Variants in DMRTA1 observed in about 807,000 individuals in gnomAD.
DMRTA1 encodes the protein doublesex- and mab-3-related transcription factor A1.
A neutral mutation model predicts 35.2 loss-of-function variants in DMRTA1; 34 were observed. That is an observed-to-expected ratio of 0.97 (90% CI 0.74 to 1.29). DMRTA1 has a LOEUF of 1.29. DMRTA1 is among the 50% of genes most tolerant of loss of function. The pLI is 0.00. For synonymous variants in DMRTA1, 344 were observed against 276.6 expected, an observed-to-expected ratio of 1.24 and a Z score of -2.42; for missense variants, 824 against 644.6, an observed-to-expected ratio of 1.28 and a Z score of -3.01.
rs1818965162 is a variant in DMRTA1, at chr9:22,453,726, T to C, written c.*1815T>C. The C allele has an allele frequency of 6.6e-6, 1 of 152,078 alleles. No individual in the cohort carries two copies. Among genetic ancestry groups the C allele is most frequent in the Non-Finnish European group, 1.5e-5 (1 of 67,944 alleles). 9.4% of individuals were successfully genotyped at this position (152,078 alleles called of 1,614,324 possible). ...ACAGACACACAGTTTTGCATACAAT[T>C]TCACTGGGTTCTTGAATCTCCTAAA... On this transcript the variant is annotated 3_prime_UTR_variant, in exon 2 of 2. Transcript: ENST00000325870.
At chr9:22,450,427 G>C (rs1039884961) in intron 1 of DMRTA1, among the ~76,000 whole-genome samples, 2 of 152,084 alleles carry the variant, frequency 1.3e-5, no homozygotes, top group Non-Finnish European at 1.5e-5. Context: ...AAATATGCAA[G>C]CTCTAGTATG....
rs1203592585 is a variant in DMRTA1 at position 22,453,251 on chromosome 9, A to G, written c.*1340A>G. 1 of 152,048 alleles carries G rather than the reference A, an allele frequency of 6.6e-6. No individual in the cohort carries two copies. Among genetic ancestry groups the G allele is most frequent in the Non-Finnish European group, 1.5e-5 (1 of 67,942 alleles). The allele number at this position is 152,048 out of a possible 1,614,324, so 9.4% of individuals were successfully genotyped here. On this transcript the variant is annotated 3_prime_UTR_variant, in exon 2 of 2. Transcript: ENST00000325870. Reference sequence around the variant, plus strand: ...ATTTAAGCAGCATGACTCACTAAAGATTTTTTAAATTATATGTATATACGT... The same window carrying G: ...ATTTAAGCAGCATGACTCACTAAAGGTTTTTTAAATTATATGTATATACGT...
chr9:22,452,188 TATC>T lies in DMRTA1; in HGVS notation c.*280_*282del, dbSNP rs1818942451. ...TATTTAATGAATTTTCTCCCTAAAT[TATC>T]ATTTGTAAACATTTTTATTTTAAAA... On this transcript the variant is annotated 3_prime_UTR_variant, in exon 2 of 2. Coordinates refer to ENST00000325870, the MANE Select transcript of DMRTA1 (RefSeq NM_022160.3). 6.9e-6 allele frequency: 2 copies of T among 287,782 alleles called. No homozygotes were observed. The highest frequency in any genetic ancestry group is 1.3e-4 in the East Asian group (2 of 15,202). The allele number at this position is 287,782 out of a possible 1,614,324, so 17.8% of individuals were successfully genotyped here.
intron 1 of DMRTA1, 80 bp from the exon 2 acceptor site, chr9:22,450,984 C>T: frequency 4.4e-6 from 6 of 1,371,082 alleles, no homozygotes; most frequent in South Asian, 2.9e-5. Flanking sequence ...TTATATTATC[C>T]AGCATTATTT....
At position 22,446,987 on chromosome 9, in the gene DMRTA1, G is replaced by T; in HGVS notation, c.-79G>T. The T allele has an allele frequency of 6.5e-7, 1 of 1,530,572 alleles. No individual in the cohort carries two copies. Among genetic ancestry groups the T allele is most frequent in the Non-Finnish European group, 8.8e-7 (1 of 1,135,410 alleles). The allele number at this position is 1,530,572 out of a possible 1,614,324, so 94.8% of individuals were successfully genotyped here. A position where few individuals can be genotyped will look rare whatever the true frequency, so the allele number is the denominator to read the frequency against. On this transcript the variant is annotated 5_prime_UTR_variant, in exon 1 of 2. Coordinates refer to ENST00000325870, the MANE Select transcript of DMRTA1 (RefSeq NM_022160.3). ...TAGGACCACGGCGCGTCCTGCCCCG[G>T]CTTCCCCAGCCTCCCAGCAGGGTTA...
chr9:22,450,866 C>T (rs1321572290), intron 1 of DMRTA1, among the ~76,000 whole-genome samples, 198 bp from the exon 2 acceptor site: 1 of 152,134 alleles, frequency 6.6e-6, no homozygotes, highest in African/African-American at 2.4e-5. Flanking sequence ...TAATAGTATA[C>T]TTTTCACTAT....
rs1314221003 is a variant in DMRTA1 at position 22,453,309 on chromosome 9, G to A, written c.*1398G>A. The A allele has an allele frequency of 1.3e-5, 2 of 152,120 alleles. No homozygotes were observed. The highest frequency in any genetic ancestry group is 4.1e-4 in the South Asian group (2 of 4,824). 9.4% of individuals were successfully genotyped at this position (152,120 alleles called of 1,614,324 possible). A position where few individuals can be genotyped will look rare whatever the true frequency, so the allele number is the denominator to read the frequency against. ...TATGCATCTATATGCACATATATAA[G>A]TCTATGTAGACATACATTAAACCCC... On this transcript the variant is annotated 3_prime_UTR_variant, in exon 2 of 2. Transcript: ENST00000325870.
At chr9:22,450,883 A>T (rs1420054121) in intron 1 of DMRTA1, among the ~76,000 whole-genome samples, 181 bp from the exon 2 acceptor site, 1 of 152,148 alleles carries the variant, frequency 6.6e-6, no homozygotes, top group Non-Finnish European at 1.5e-5. Flanking sequence ...CTATTCCAGC[A>T]CCTGCATTTC....
chr9:22,451,900 G>A lies in DMRTA1; in HGVS notation c.1504G>A (p.Asp502Asn). 1 of 1,613,778 alleles carries A rather than the reference G, an allele frequency of 6.2e-7. No individual in the cohort carries two copies. The highest frequency in any genetic ancestry group is 1.3e-5 in the African/African-American group (1 of 75,004). Residue 502 changes from aspartate to asparagine, a missense_variant, in exon 2 of 2, where the codon GAC becomes AAC. By Grantham distance (23) the Asp-to-Asn change is conservative (BLOSUM62 1). Coordinates refer to ENST00000325870, the MANE Select transcript of DMRTA1 (RefSeq NM_022160.3). Reference sequence around the variant, plus strand: ...CAGACTGTACTTCAGACCAAATCAGGACAATCCGTAATGTATATGCCCATT... The same window carrying A: ...CAGACTGTACTTCAGACCAAATCAGAACAATCCGTAATGTATATGCCCATT... Reference protein sequence around the residue: ...CGRLYFRPNQDNP With the variant: ...CGRLYFRPNQNNP
In DMRTA1 at chr9:22,447,270, T is replaced by G; in HGVS notation, c.205T>G (p.Ser69Ala). The G allele has an allele frequency of 6.6e-7, 1 of 1,505,930 alleles. No individual in the cohort carries two copies. The highest frequency in any genetic ancestry group is 1.5e-5 in the African/African-American group (1 of 68,664). 93.3% of individuals were successfully genotyped at this position (1,505,930 alleles called of 1,614,324 possible). A position where few individuals can be genotyped will look rare whatever the true frequency, so the allele number is the denominator to read the frequency against. ...AAAAAAAAAT[S>A]GSGGCPPAPG... Reference sequence around the variant, plus strand: ...GGCCGCCGCCGCCGCTGCCGCCACCTCGGGAAGCGGAGGCTGCCCGCCGGC... The same window carrying G: ...GGCCGCCGCCGCCGCTGCCGCCACCGCGGGAAGCGGAGGCTGCCCGCCGGC... The change falls in exon 1 of 2, where the codon TCG becomes GCG. Residue 69 changes from serine to alanine, a missense_variant. Transcript: ENST00000325870.
intron 1 of DMRTA1, among the ~76,000 whole-genome samples, chr9:22,448,198 T>C (rs1818869503): frequency 6.6e-6 from 1 of 152,078 alleles, no homozygotes; most frequent in African/African-American, 2.4e-5. Context: ...AGCCTCAACC[T>C]CCCCAGGCTC....
chr9:22,451,061 C>G lies in DMRTA1; in HGVS notation c.668-3C>G, dbSNP rs1287354504. 2 of 1,604,306 alleles carry G rather than the reference C, an allele frequency of 1.2e-6. No homozygotes were observed. The highest frequency in any genetic ancestry group is 1.7e-6 in the Non-Finnish European group (2 of 1,175,456). Reference sequence around the variant, plus strand: ...TTGATTTTTTTTTCCCCCTCTTCTCCAGAACAAAAAGAGAGTAAATGTGAG... The same window carrying G: ...TTGATTTTTTTTTCCCCCTCTTCTCGAGAACAAAAAGAGAGTAAATGTGAG... On this transcript the variant is annotated splice_region_variant and splice_polypyrimidine_tract_variant and intron_variant, in intron 1 of 1. Transcript: ENST00000325870.
At chr9:22,450,741 A>G (rs1215364256) in intron 1 of DMRTA1, among the ~76,000 whole-genome samples, 1 of 152,198 alleles carries the variant, frequency 6.6e-6, no homozygotes, top group Non-Finnish European at 1.5e-5. Flanking sequence ...TAGAACAGAC[A>G]GTGTGCCATA....
At position 22,452,777 on chromosome 9, in the gene DMRTA1, T is replaced by C. The variant is rs1306054065; in HGVS notation, c.*866T>C. On this transcript the variant is annotated 3_prime_UTR_variant, in exon 2 of 2. Coordinates refer to ENST00000325870, the MANE Select transcript of DMRTA1 (RefSeq NM_022160.3). ...TACTGTGGATGAGAGTTGCAGTCTT[T>C]AAGTGTGCTTATGTCTGTATCTGGG... The C allele has an allele frequency of 2.0e-5, 3 of 152,156 alleles. No individual in the cohort carries two copies. Among genetic ancestry groups the C allele is most frequent in the Non-Finnish European group, 4.4e-5 (3 of 67,988 alleles). 9.4% of individuals were successfully genotyped at this position (152,156 alleles called of 1,614,324 possible). A position where few individuals can be genotyped will look rare whatever the true frequency, so the allele number is the denominator to read the frequency against.
rs1443697418 is a variant in DMRTA1, at chr9:22,451,337, C to T, written c.941C>T (p.Ala314Val). Residue 314 changes from alanine (A) to valine (V), a missense_variant, in exon 2 of 2, where the codon GCG becomes GTG. Transcript: ENST00000325870. ...NESEWVKDLT[A>V]TKASLPTVSS... ...AGTGAATGGGTCAAAGACTTGACTG[C>T]GACCAAGGCAAGCCTTCCGACAGTG... 1.4e-5 allele frequency: 23 copies of T among 1,614,048 alleles called. No homozygotes were observed. The highest frequency in any genetic ancestry group is 3.3e-5 in the South Asian group (3 of 91,078).
Position 22,451,071 on chromosome 9 carries a change from A to C in DMRTA1, c.675A>C (p.Lys225Asn). The change falls in exon 2 of 2, where the codon AAA becomes AAC. Residue 225 changes from lysine (K) to asparagine (N), a missense_variant. Coordinates refer to ENST00000325870, the MANE Select transcript of DMRTA1 (RefSeq NM_022160.3). ...TTTCCCCCTCTTCTCCAGAACAAAA[A>C]GAGAGTAAATGTGAGTCATGCCAGA... ...QDYPEEKQEQ[K>N]ESKCESCQNG... is the part of the protein sequence containing the mutation. 1 of 1,610,036 alleles carries C rather than the reference A, an allele frequency of 6.2e-7. No individual in the cohort carries two copies. Among genetic ancestry groups the C allele is most frequent in the South Asian group, 1.1e-5 (1 of 90,772 alleles).
In DMRTA1 at chr9:22,451,513, A is replaced by G. The variant is rs781618672; in HGVS notation, c.1117A>G (p.Asn373Asp). 3.7e-6 allele frequency: 6 copies of G among 1,614,056 alleles called. No homozygotes were observed. The Admixed American group carries it at 8.3e-5, about 22-fold the overall frequency. The change falls in exon 2 of 2, where the codon AAC (asparagine) becomes GAC (aspartate). Residue 373 changes from asparagine (N) to aspartate (D), a missense_variant. Physicochemically the swap from Asn to Asp is conservative, Grantham distance 23. Transcript: ENST00000325870. ...VLNGKEHKPD[N>D]RNLANSEELE... Reference sequence around the variant, plus strand: ...AAATGGCAAAGAACACAAGCCAGACAACAGGAACCTAGCAAACTCAGAAGA... The same window carrying G: ...AAATGGCAAAGAACACAAGCCAGACGACAGGAACCTAGCAAACTCAGAAGA...
In DMRTA1 at chr9:22,447,420, C is replaced by T. The variant is rs1294875178; in HGVS notation, c.355C>T (p.Arg119Trp). 3.2e-6 allele frequency: 5 copies of T among 1,551,688 alleles called. No individual in the cohort carries two copies. The highest frequency in any genetic ancestry group is 4.3e-6 in the Non-Finnish European group (5 of 1,149,728). ...LKGHKRFCRW[R>W]DCACAKCTLI... is the part of the protein sequence containing the mutation. ...GGGCCACAAGCGCTTCTGCCGCTGG[C>T]GGGACTGCGCGTGTGCCAAGTGCAC... The change falls in exon 1 of 2, where the codon CGG becomes TGG. Residue 119 changes from arginine to tryptophan, a missense_variant. Transcript: ENST00000325870.
intron 1 of DMRTA1, among the ~76,000 whole-genome samples, chr9:22,448,195 A>G (rs896580291): frequency 1.3e-5 from 2 of 152,012 alleles, no homozygotes; most frequent in Non-Finnish European, 2.9e-5. Context: ...TGCAGCCTCA[A>G]CCTCCCCAGG....
Sources: allele counts gnomAD v4.1 joint callset (sites outside exome capture counted in the v4.1 genomes callset), GRCh38; gene constraint gnomAD v4.1.1; transcripts MANE v1.5; gene names NCBI Gene and HGNC (gene_info 2026-07-23, HGNC 2026-07-21).